RERE: variants seen among roughly 807,000 people sequenced by gnomAD.
RERE encodes arginine-glutamic acid dipeptide repeats protein.
RERE carries 40 observed loss-of-function variants against 146.1 expected under a neutral mutation model. That is an observed-to-expected ratio of 0.27 (90% CI 0.21 to 0.36). RERE has a LOEUF of 0.36. Among genes scored for constraint, RERE ranks in the 10% least tolerant of loss-of-function variants. The pLI, the probability that RERE is intolerant of heterozygous loss-of-function variation, is 1.00. For missense variants in RERE, 1,933 were observed against 2,138.7 expected, an observed-to-expected ratio of 0.90 and a Z score of 1.90; for synonymous variants, 1,003 against 866.0, an observed-to-expected ratio of 1.16 and a Z score of -2.78.
intron 1 of RERE, among the ~76,000 whole-genome samples, chr1:8,754,391 G>A (rs2124520864): frequency 6.6e-6 from 1 of 152,136 alleles, no homozygotes; most frequent in African/African-American, 2.4e-5. Context: ...TATGAAAGAA[G>A]GTTAATACAA....
chr1:8,673,512 CCT>C (rs1242289946), intron 1 of RERE, among the ~76,000 whole-genome samples: 2 of 152,172 alleles, frequency 1.3e-5, no homozygotes, highest in Non-Finnish European at 2.9e-5. Context: ...ATTCATACCC[CCT>C]GACAATGCCT....
chr1:8,706,113 CAAAAA>C (rs61016240), intron 1 of RERE, among the ~76,000 whole-genome samples: 55 of 69,194 alleles, frequency 7.9e-4, no homozygotes, highest in African/African-American at 3.1e-3. Context: ...ACTCCGTCTC[CAAAAA>C]AAAAAAAAAA....
rs1641572048 is a variant in RERE at position 8,361,319 on chromosome 1, G to T, written c.2188C>A (p.Gln730Lys). ...DNESDSDSSA[Q>K]QQMLQAQPPA... is the part of the protein sequence containing the mutation. ...GGCTGGGCCTGCAGCATCTGCTGCT[G>T]GGCTGACGAGTCCGAGTCACTCTCA... Residue 730 changes from glutamine (Q) to lysine (K), a missense_variant, in exon 18 of 23, where the codon CAG (glutamine) becomes AAG (lysine). Physicochemically the swap from Gln to Lys is moderately conservative, Grantham distance 53. Transcript: ENST00000400908. The T allele has an allele frequency of 6.2e-7, 1 of 1,612,234 alleles. No homozygotes were observed. The highest frequency in any genetic ancestry group is 8.5e-7 in the Non-Finnish European group (1 of 1,178,992).
intron 1 of RERE, among the ~76,000 whole-genome samples, chr1:8,810,581 T>A (rs1460362983): frequency 1.3e-5 from 2 of 152,128 alleles, no homozygotes; most frequent in African/African-American, 4.8e-5. Flanking sequence ...CACTCCAACC[T>A]GGATGACAGA....
At chr1:8,670,220 T>C (rs895894280) in intron 1 of RERE, among the ~76,000 whole-genome samples, 1 of 152,172 alleles carries the variant, frequency 6.6e-6, no homozygotes, top group Admixed American at 6.5e-5. Flanking sequence ...ACAACTCAAT[T>C]AAGATGCCAG....
In RERE at chr1:8,358,738, G is replaced by C; in HGVS notation, c.3797C>G (p.Ser1266Trp). Reference protein sequence around the residue: ...LSEYARPHVMSPTNRNHPFYM... With the variant: ...LSEYARPHVMWPTNRNHPFYM... ...GAAGGGGTGGTTGCGGTTGGTGGGC[G>C]ACATGACGTGGGGCCGGGCGTACTC... is the stretch of plus-strand genomic sequence containing the variant. Residue 1266 changes from serine (S) to tryptophan (W), a missense_variant, in exon 20 of 23, where the codon TCG (serine) becomes TGG (tryptophan). Physicochemically the swap from Ser to Trp is radical, Grantham distance 177. This residue lies in a region of RERE where 1,255 missense variants were observed against 1,153.8 expected (regional missense o/e 1.09). Coordinates refer to ENST00000400908, the MANE Select transcript of RERE (RefSeq NM_001042681.2). The C allele has an allele frequency of 6.2e-7, 1 of 1,608,660 alleles. No individual in the cohort carries two copies. Among genetic ancestry groups the C allele is most frequent in the Non-Finnish European group, 8.5e-7 (1 of 1,176,792 alleles).
At chr1:8,463,246 A>G (rs1186730577) in intron 11 of RERE, among the ~76,000 whole-genome samples, 1 of 152,096 alleles carries the variant, frequency 6.6e-6, no homozygotes, top group African/African-American at 2.4e-5. Context: ...TTCACTTCCT[A>G]CACATAAGGG....
At chr1:8,601,525 T>C (rs1362654932) in intron 4 of RERE, among the ~76,000 whole-genome samples, 1 of 151,910 alleles carries the variant, frequency 6.6e-6, no homozygotes, top group Non-Finnish European at 1.5e-5. Context: ...GGAGCAATCA[T>C]TTATGCTGGT....
Position 8,358,289 on chromosome 1 carries a change from G to T in RERE, c.4246C>A (p.Arg1416=). 6.2e-7 allele frequency: 1 copy of T among 1,613,578 alleles called. No homozygotes were observed. Among genetic ancestry groups the T allele is most frequent in the Non-Finnish European group, 8.5e-7 (1 of 1,179,612 alleles). Residue 1416 remains arginine (R), a synonymous_variant, in exon 20 of 23, where the codon CGA becomes AGA. Transcript: ENST00000400908. ...MASLTSDPLA[R]LQMFNVTPHH... is the part of the protein sequence containing the mutation. Reference sequence around the variant, plus strand: ...GGAGTCACGTTGAACATCTGCAGTCGGGCCAGGGGATCGCTGGTCAGCGAT... The same window carrying T: ...GGAGTCACGTTGAACATCTGCAGTCTGGCCAGGGGATCGCTGGTCAGCGAT...
intron 1 of RERE, among the ~76,000 whole-genome samples, chr1:8,708,199 T>C (rs954590674): frequency 6.6e-6 from 1 of 152,178 alleles, no homozygotes; most frequent in Non-Finnish European, 1.5e-5. Context: ...TTCCCACATG[T>C]TGTGGGAAGG....
At chr1:8,361,998 A>C (rs1233567866) in intron 16 of RERE, 122 bp from the exon 17 acceptor site, 4 of 689,246 alleles carry the variant, frequency 5.8e-6, no homozygotes, top group Non-Finnish European at 7.4e-6. Context: ...CTCCAGGAGC[A>C]AAAAGCTCTA....
intron 6 of RERE, among the ~76,000 whole-genome samples, chr1:8,548,743 G>A (rs989988472): frequency 5.3e-5 from 8 of 152,180 alleles, no homozygotes; most frequent in African/African-American, 7.2e-5. Context: ...CCAGCACCTC[G>A]GGAGGCTGAG....
chr1:8,377,863 A>G (rs897380535), intron 12 of RERE, among the ~76,000 whole-genome samples: 52 of 152,206 alleles, frequency 3.4e-4, no homozygotes, highest in African/African-American at 1.2e-3. Flanking sequence ...TCCCGAGGTG[A>G]TAATTGAATG....
At chr1:8,540,297 C>A (rs372176430) in intron 7 of RERE, among the ~76,000 whole-genome samples, 13 of 152,140 alleles carry the variant, frequency 8.5e-5, no homozygotes, top group African/African-American at 3.1e-4. Flanking sequence ...GAAGAGGTCT[C>A]ACCATTTTGC....
intron 7 of RERE, among the ~76,000 whole-genome samples, chr1:8,509,286 T>C (rs775442543): frequency 2.0e-5 from 3 of 152,062 alleles, no homozygotes; most frequent in Non-Finnish European, 4.4e-5. Flanking sequence ...GAGATGGACA[T>C]TCCTGTAGTA....
At chr1:8,374,108 C>CG (rs551905980) in intron 12 of RERE, among the ~76,000 whole-genome samples, 10 of 152,306 alleles carry the variant, frequency 6.6e-5, no homozygotes, top group African/African-American at 2.2e-4. Flanking sequence ...CAGCCTCCTA[C>CG]GTTCAAGAGG....
intron 12 of RERE, among the ~76,000 whole-genome samples, chr1:8,407,344 G>A (rs1156504592): frequency 6.6e-6 from 1 of 152,136 alleles, no homozygotes; most frequent in Non-Finnish European, 1.5e-5. Flanking sequence ...CCATCACAGT[G>A]CTTTCTGCTA....
At chr1:8,446,635 T>C (rs1644323737) in intron 11 of RERE, among the ~76,000 whole-genome samples, 1 of 152,192 alleles carries the variant, frequency 6.6e-6, no homozygotes, top group Non-Finnish European at 1.5e-5. Flanking sequence ...AACGTAGGTT[T>C]GGTCTTTTCA....
chr1:8,775,832 A>C (rs964058156), intron 1 of RERE, among the ~76,000 whole-genome samples: 1 of 152,202 alleles, frequency 6.6e-6, no homozygotes, highest in Non-Finnish European at 1.5e-5. Flanking sequence ...CAATTTTATG[A>C]GGTAGGTATT....
Sources: gnomAD v4.1 joint callset for allele counts (sites outside exome capture counted in the v4.1 genomes callset) on GRCh38, gnomAD v4.1.1 for gene constraint, gnomAD v4.1.1 regional missense constraint, MANE v1.5 for transcripts, NCBI Gene and HGNC (gene_info 2026-07-23, HGNC 2026-07-21) for gene names.